Variants in HOOK3 observed in about 807,000 individuals in gnomAD.
The protein encoded by HOOK3 is protein Hook homolog 3.
A neutral mutation model predicts 116.3 loss-of-function variants in HOOK3; 24 were observed. The ratio of observed to expected loss-of-function variants is 0.21; its 90% CI spans 0.15 to 0.29. The LOEUF (loss-of-function observed/expected upper bound fraction) is 0.29, where lower values mean the gene tolerates loss of function less well. Ranked by LOEUF, HOOK3 falls within the 10% of genes least tolerant of loss-of-function variation. The pLI is 1.00. For synonymous variants in HOOK3, 275 were observed against 283.0 expected (o/e 0.97, Z 0.28); for missense variants, 632 against 830.2 (o/e 0.76, Z 2.93).
At position 43,018,636 on chromosome 8, in the gene HOOK3, C is replaced by T; in HGVS notation, c.*138C>T. 1.2e-6 allele frequency: 1 copy of T among 809,512 alleles called. No individual in the cohort carries two copies. The highest frequency in any genetic ancestry group is 3.4e-5 in the South Asian group (1 of 29,218). The allele number at this position is 809,512 out of a possible 1,614,324, so 50.1% of individuals were successfully genotyped here. On this transcript the variant is annotated 3_prime_UTR_variant, in exon 22 of 22. Coordinates refer to ENST00000307602, the MANE Select transcript of HOOK3 (RefSeq NM_032410.4). ...TACTTAGTGTTTCTCATTTTGAGGA[C>T]TTTTTCTCTCTCCTGTATCTTTGTT...
At position 43,008,766 on chromosome 8, in the gene HOOK3, T is replaced by G. The variant is rs1360826269; in HGVS notation, c.1738+837T>G. ...GCTCCACCTCCCGGGTTCACGCCAT[T>G]CTCCTGCCTCAGCCTCCCAAGTAGC... On this transcript the variant is annotated intron_variant, in intron 18 of 21. Transcript: ENST00000307602. 4.7e-5 allele frequency among the ~76,000 whole-genome samples: 7 copies of G among 147,646 alleles called. No individual in the cohort carries two copies. The East Asian group carries it at 1.4e-3, about 29-fold the overall frequency.
intron 15 of HOOK3, among the ~76,000 whole-genome samples, chr8:42,995,392 T>C (rs1809244828): frequency 6.6e-6 from 1 of 152,202 alleles, no homozygotes. Context: ...CTCACCTTTC[T>C]ACTATATTCA....
intron 2 of HOOK3, among the ~76,000 whole-genome samples, chr8:42,922,797 G>T (rs1563291793): frequency 6.6e-6 from 1 of 151,230 alleles, no homozygotes; most frequent in Non-Finnish European, 1.5e-5. Context: ...CTACTTGGGA[G>T]GCTGAGGCAG....
At chr8:42,950,181 A>T (rs563580907) in intron 5 of HOOK3, among the ~76,000 whole-genome samples, 2,492 of 152,306 alleles carry the variant, frequency 0.016, 30 homozygotes, top group Non-Finnish European at 0.022. Flanking sequence ...CTTTAGAAGG[A>T]ATGTTGAAAA....
At chr8:42,939,259 G>A (rs546021398) in intron 4 of HOOK3, among the ~76,000 whole-genome samples, 3 of 152,286 alleles carry the variant, frequency 2.0e-5, no homozygotes, top group East Asian at 1.9e-4. Flanking sequence ...GGTGGTGGCC[G>A]GGAAGAGGGG....
intron 4 of HOOK3, among the ~76,000 whole-genome samples, chr8:42,940,084 G>C (rs992468679): frequency 6.6e-6 from 1 of 151,990 alleles, no homozygotes; most frequent in Non-Finnish European, 1.5e-5. Context: ...ACGGGGCGGC[G>C]GCCGGGCAGA....
intron 2 of HOOK3, among the ~76,000 whole-genome samples, chr8:42,918,741 G>A (rs1001379332): frequency 4.6e-5 from 7 of 152,142 alleles, no homozygotes; most frequent in African/African-American, 1.7e-4. Flanking sequence ...CAAGGGGTTG[G>A]GGGTAAGGTT....
At chr8:43,018,333 TC>T (rs751142155) in intron 21 of HOOK3, 24 bp from the exon 22 acceptor site, 1 of 1,550,070 alleles carries the variant, frequency 6.5e-7, no homozygotes, top group South Asian at 1.2e-5. Flanking sequence ...TTTCATTGAT[TC>T]CTTTTTTTGT....
At chr8:42,956,483 C>G (rs1383037512) in intron 6 of HOOK3, among the ~76,000 whole-genome samples, 2 of 151,602 alleles carry the variant, frequency 1.3e-5, no homozygotes, top group African/African-American at 4.8e-5. Context: ...GAATTTAGAC[C>G]TCTAATTCAA....
At chr8:42,916,703 C>G (rs1807540375) in intron 2 of HOOK3, among the ~76,000 whole-genome samples, 1 of 152,160 alleles carries the variant, frequency 6.6e-6, no homozygotes, top group African/African-American at 2.4e-5. Flanking sequence ...TCTAGCCAGT[C>G]ACTAATCAAT....
chr8:42,917,904 AACAC>A (rs764380550), intron 2 of HOOK3, among the ~76,000 whole-genome samples: 4 of 152,188 alleles, frequency 2.6e-5, no homozygotes, highest in African/African-American at 4.8e-5. Context: ...AGTCAACTCT[AACAC>A]ACATTTAATG....
chr8:43,008,949 G>C (rs1035497477), intron 18 of HOOK3, among the ~76,000 whole-genome samples: 1 of 151,498 alleles, frequency 6.6e-6, no homozygotes, highest in African/African-American at 2.4e-5. Flanking sequence ...GTGAGCCACC[G>C]CGCCCGGCCT....
intron 4 of HOOK3, among the ~76,000 whole-genome samples, chr8:42,937,024 C>CT (rs1161297028): frequency 1.3e-5 from 2 of 151,880 alleles, no homozygotes; most frequent in Non-Finnish European, 2.9e-5. Context: ...TGGTCCTGGG[C>CT]TTTTTTTGGT....
chr8:42,994,682 AT>A (rs1809230981), intron 15 of HOOK3, among the ~76,000 whole-genome samples: 1 of 152,132 alleles, frequency 6.6e-6, no homozygotes, highest in Non-Finnish European at 1.5e-5. Flanking sequence ...TATTATTTCA[AT>A]TTTTTGAGTA....
intron 10 of HOOK3, 99 bp downstream of exon 10, chr8:42,966,712 G>A (rs1808639376): frequency 1.5e-5 from 20 of 1,350,392 alleles, no homozygotes; most frequent in Non-Finnish European, 1.9e-5. Flanking sequence ...AGGCTACCTG[G>A]GCTGGGATCC....
chr8:42,921,560 G>T (rs143093016), intron 2 of HOOK3, among the ~76,000 whole-genome samples: 3 of 152,160 alleles, frequency 2.0e-5, no homozygotes, highest in Non-Finnish European at 4.4e-5. Flanking sequence ...TGAGAAGTCA[G>T]AGAACCTCAG....
intron 3 of HOOK3, among the ~76,000 whole-genome samples, chr8:42,928,383 G>A (rs1016012995): frequency 6.6e-5 from 10 of 151,992 alleles, no homozygotes; most frequent in Non-Finnish European, 1.5e-4. Flanking sequence ...CCCAGGAGGC[G>A]GAGGTTGCAG....
At chr8:42,943,241 C>T in intron 4 of HOOK3, 72 bp from the exon 5 acceptor site, 3 of 1,047,322 alleles carry the variant, frequency 2.9e-6, no homozygotes, top group South Asian at 2.9e-5. Context: ...TAATAACAAA[C>T]CTCGATCAAG....
chr8:42,982,720 C>T, intron 14 of HOOK3, 24 bp downstream of exon 14: 1 of 1,439,872 alleles, frequency 6.9e-7, no homozygotes, highest in Non-Finnish European at 9.8e-7. Context: ...GGTGTTCACA[C>T]TTACACTGCA....
Sources: gnomAD v4.1 joint callset for allele counts (sites outside exome capture counted in the v4.1 genomes callset) on GRCh38, gnomAD v4.1.1 for gene constraint, MANE v1.5 for transcripts, NCBI Gene and HGNC (gene_info 2026-07-23, HGNC 2026-07-21) for gene names.